The following MAPK6 variants were observed in gnomAD, a reference collection of about 807,000 sequenced individuals.
The protein encoded by MAPK6 is mitogen-activated protein kinase 6, also known as ERK-3.
A neutral mutation model predicts 59.3 loss-of-function variants in MAPK6; 19 were observed. The ratio of observed to expected loss-of-function variants is 0.32; its 90% CI spans 0.22 to 0.47. The LOEUF (loss-of-function observed/expected upper bound fraction) is 0.47. MAPK6 is among the 20% of genes least tolerant of loss of function. The probability of loss-of-function intolerance (pLI) is 1.00; values close to 1 mark genes in which losing one functional copy is unlikely to be tolerated. For synonymous variants in MAPK6, 316 were observed against 290.3 expected, an observed-to-expected ratio of 1.09 and a Z score of -0.90; for missense variants, 724 against 847.9, an observed-to-expected ratio of 0.85 and a Z score of 1.81.
intron 2 of MAPK6, among the ~76,000 whole-genome samples, chr15:51,993,819 AC>A (rs2057216981): frequency 7.3e-6 from 1 of 137,822 alleles, no homozygotes; most frequent in Non-Finnish European, 1.5e-5. Context: ...TTTTTTTTTG[AC>A]ATGAGGTCTC....
In MAPK6 at chr15:52,046,730, A is replaced by G. The variant is rs769747043; in HGVS notation, c.270A>G (p.Gln90=). The change falls in exon 2 of 6, where the codon CAA becomes CAG. Residue 90 remains glutamine (Q), a synonymous_variant. Coordinates refer to ENST00000261845, the MANE Select transcript of MAPK6 (RefSeq NM_002748.4). The stretch of plus-strand genomic sequence containing the variant: ...AGATTCTTGGTCCCAGTGGAAGCCA[A>G]TTAACAGACGATGTGGGCTCTCTTA... The part of the protein sequence containing the change: ...VFEILGPSGS[Q]LTDDVGSLTE... 5 of 1,614,240 alleles carry G rather than the reference A, an allele frequency of 3.1e-6. No homozygotes were observed. The highest frequency in any genetic ancestry group is 4.2e-6 in the Non-Finnish European group (5 of 1,180,030).
chr15:52,027,749 CTTTATTTATTTATTTA>C (rs35286366), intron 1 of MAPK6: 2 of 146,408 alleles, frequency 1.4e-5, no homozygotes, highest in African/African-American at 5.0e-5. Context: ...GTTGATTTCT[CTTTATTTATTTATTTA>C]TTTATTTATT....
intron 1 of MAPK6, among the ~76,000 whole-genome samples, chr15:52,031,931 C>T (rs866491310): frequency 1.3e-5 from 2 of 151,642 alleles, no homozygotes; most frequent in Non-Finnish European, 2.9e-5. Flanking sequence ...GGCGGAGTCT[C>T]GCTCTGTTGC....
intron 2 of MAPK6, among the ~76,000 whole-genome samples, chr15:51,983,732 G>A (rs1228204855): frequency 1.3e-5 from 2 of 150,808 alleles, no homozygotes; most frequent in Non-Finnish European, 1.5e-5. Context: ...ACTTGAGCCT[G>A]GGAGGTTGAG....
At chr15:51,991,569 A>C (rs2057208896) in intron 2 of MAPK6, among the ~76,000 whole-genome samples, 1 of 152,236 alleles carries the variant, frequency 6.6e-6, no homozygotes, top group Admixed American at 6.5e-5. Context: ...AAGACATGAA[A>C]AAGAAATGGT....
chr15:52,024,745 T>C (rs971938553), intron 1 of MAPK6: 1 of 152,140 alleles, frequency 6.6e-6, no homozygotes, highest in East Asian at 1.9e-4. Flanking sequence ...AGAGGCACAA[T>C]CTTGCCCTGT....
At chr15:52,015,582 A>G (rs923024592), upstream of MAPK6, among the ~76,000 whole-genome samples, 1 of 148,554 alleles carries the variant, frequency 6.7e-6, no homozygotes, top group Non-Finnish European at 1.5e-5. Context: ...GGTTCAAGCA[A>G]TTCTCCTGCC....
intron 2 of MAPK6, among the ~76,000 whole-genome samples, chr15:51,999,290 C>T (rs537060766): frequency 7.2e-5 from 11 of 152,198 alleles, no homozygotes; most frequent in South Asian, 2.1e-4. Flanking sequence ...TGAGCCACCG[C>T]GCCCAGCCTC....
upstream of MAPK6, among the ~76,000 whole-genome samples, chr15:52,014,499 C>T (rs1445048263): frequency 6.6e-6 from 1 of 151,964 alleles, no homozygotes; most frequent in Non-Finnish European, 1.5e-5. Flanking sequence ...ATCACTTGAG[C>T]TTAGGAGTTG....
chr15:52,065,840 T>A lies in MAPK6; in HGVS notation c.*840T>A, dbSNP rs1465882712. 1.3e-5 allele frequency: 2 copies of A among 152,650 alleles called. No homozygotes were observed. Among genetic ancestry groups the A allele is most frequent in the African/African-American group, 2.4e-5 (1 of 41,450 alleles). 9.5% of individuals were successfully genotyped at this position (152,650 alleles called of 1,614,324 possible). On this transcript the variant is annotated 3_prime_UTR_variant, in exon 6 of 6. Transcript: ENST00000261845. ...AGGCTGTCCACGTACTTAATTTACTTAAGTGTTCATTTTAAGTAACGTGCT... is the reference window on the plus strand; with the variant it reads ...AGGCTGTCCACGTACTTAATTTACTAAAGTGTTCATTTTAAGTAACGTGCT...
Position 52,064,738 on chromosome 15 carries a change from G to T in MAPK6, c.1904G>T (p.Arg635Met), listed in dbSNP as rs776658192. ...AGTTACTTGGACAAGTTCTTTAGCA[G>T]GAAAGAAGATACTGAAATGCTAGAA... The part of the protein sequence containing the change: ...YTSYLDKFFS[R>M]KEDTEMLETE... The change falls in exon 6 of 6, where the codon AGG becomes ATG. Residue 635 changes from arginine to methionine, a missense_variant. Coordinates refer to ENST00000261845, the MANE Select transcript of MAPK6 (RefSeq NM_002748.4). The T allele has an allele frequency of 1.2e-5, 19 of 1,611,704 alleles. No homozygotes were observed. The highest frequency in any genetic ancestry group is 1.6e-5 in the Non-Finnish European group (19 of 1,179,738).
intron 3 of MAPK6, among the ~76,000 whole-genome samples, chr15:52,054,431 G>C (rs765589767): frequency 6.6e-6 from 1 of 152,122 alleles, no homozygotes; most frequent in Non-Finnish European, 1.5e-5. Flanking sequence ...ACATCCTCTT[G>C]TCCTGGCACC....
At chr15:52,054,596 G>A (rs994740183) in intron 3 of MAPK6, among the ~76,000 whole-genome samples, 6 of 151,990 alleles carry the variant, frequency 3.9e-5, no homozygotes, top group South Asian at 4.2e-4. Flanking sequence ...CACTAAGTAC[G>A]CTTCATGGTC....
At chr15:52,054,184 A>G (rs1388556905) in intron 3 of MAPK6, among the ~76,000 whole-genome samples, 1 of 151,700 alleles carries the variant, frequency 6.6e-6, no homozygotes, top group Non-Finnish European at 1.5e-5. Flanking sequence ...CCTGGCCAAC[A>G]TGGTGAAACC....
chr15:52,062,503 GC>G (rs2032242573), intron 5 of MAPK6, among the ~76,000 whole-genome samples: 1 of 152,100 alleles, frequency 6.6e-6, no homozygotes, highest in East Asian at 1.9e-4. Flanking sequence ...GGTGGCTCAT[GC>G]CTGTAATCCC....
chr15:52,022,033 T>G (rs895436398), intron 1 of MAPK6, among the ~76,000 whole-genome samples: 4 of 152,082 alleles, frequency 2.6e-5, no homozygotes, highest in Non-Finnish European at 2.9e-5. Flanking sequence ...AATGGCAGTT[T>G]AAGAGTGGGG....
intron 2 of MAPK6, among the ~76,000 whole-genome samples, chr15:51,997,921 T>TTCTC (rs371955119): frequency 2.7e-5 from 4 of 149,844 alleles, no homozygotes; most frequent in African/African-American, 9.9e-5. Context: ...TTTTCTTTCT[T>TTCTC]TCTCTTTCTT....
At chr15:52,063,219 C>T (rs2032274811) in intron 5 of MAPK6, among the ~76,000 whole-genome samples, 1 of 152,140 alleles carries the variant, frequency 6.6e-6, no homozygotes, top group Admixed American at 6.5e-5. Flanking sequence ...CACCCGCCAC[C>T]ATGTTCAGCT....
chr15:52,016,070 G>GCACGCGCACACA (rs1555396608), upstream of MAPK6, among the ~76,000 whole-genome samples: 1 of 55,392 alleles, frequency 1.8e-5, no homozygotes, highest in African/African-American at 7.0e-5. Context: ...GCGCGCGCGC[G>GCACGCGCACACA]CACACACACA....
Sources: allele counts gnomAD v4.1 joint callset (sites outside exome capture counted in the v4.1 genomes callset), GRCh38; gene constraint gnomAD v4.1.1; transcripts MANE v1.5; gene names NCBI Gene and HGNC (gene_info 2026-07-23, HGNC 2026-07-21).